CCDC186: variants seen among roughly 807,000 people sequenced by gnomAD.
The protein encoded by CCDC186 is coiled-coil domain containing 186.
CCDC186 carries 49 observed loss-of-function variants against 113.7 expected under a neutral mutation model. That is an observed-to-expected ratio of 0.43 (90% confidence interval 0.34 to 0.55). The LOEUF is 0.55. Among genes scored for constraint, CCDC186 ranks in the 20% least tolerant of loss-of-function variants. CCDC186 has a pLI of 0.02. For missense variants in CCDC186, 890 were observed against 1,011.1 expected (o/e 0.88, Z 1.62); for synonymous variants, 355 against 345.8 (o/e 1.03, Z -0.30).
rs2030789666 is a variant in CCDC186 at position 114,123,369 on chromosome 10, T to C, written c.*1774A>G. The C allele has an allele frequency of 6.6e-6, 1 of 152,214 alleles. No individual in the cohort carries two copies. The highest frequency in any genetic ancestry group is 1.5e-5 in the Non-Finnish European group (1 of 68,010). The allele number at this position is 152,214 out of a possible 1,614,324, so 9.4% of individuals were successfully genotyped here. A position where few individuals can be genotyped will look rare whatever the true frequency, so the allele number is the denominator to read the frequency against. ...TTTTGGGATAACATCTAATTCAATA[T>C]ATAGAAAAAAAGACATTCATTAAAT... On this transcript the variant is annotated 3_prime_UTR_variant, in exon 16 of 16. Transcript: ENST00000369287.
intron 2 of CCDC186, among the ~76,000 whole-genome samples, chr10:114,158,530 A>T (rs1435239457): frequency 6.6e-6 from 1 of 152,032 alleles, no homozygotes; most frequent in East Asian, 1.9e-4. Context: ...AGTCTATGAA[A>T]TTATTATCAT....
chr10:114,127,057 G>A (rs1008814180), intron 14 of CCDC186, among the ~76,000 whole-genome samples: 1 of 152,054 alleles, frequency 6.6e-6, no homozygotes, highest in Non-Finnish European at 1.5e-5. Context: ...CCAAGCCACA[G>A]GCACAGCGCC....
chr10:114,136,961 A>G (rs1279138080), intron 7 of CCDC186, among the ~76,000 whole-genome samples: 1 of 152,082 alleles, frequency 6.6e-6, no homozygotes, highest in Non-Finnish European at 1.5e-5. Flanking sequence ...TACTAAAAAT[A>G]CAAAATTTAG....
chr10:114,166,076 C>A (rs1038600129), intron 1 of CCDC186, among the ~76,000 whole-genome samples: 6 of 151,976 alleles, frequency 3.9e-5, no homozygotes, highest in African/African-American at 1.5e-4. Flanking sequence ...TAAAGGACTG[C>A]ACTGCAGAGG....
At chr10:114,165,901 T>C (rs1213278086) in intron 1 of CCDC186, 1 of 979,128 alleles carries the variant, frequency 1.0e-6, no homozygotes, top group East Asian at 1.1e-4. Context: ...AAATTATACC[T>C]CTTCATGCCA....
At chr10:114,146,792 TG>T (rs200345009) in intron 4 of CCDC186, among the ~76,000 whole-genome samples, 1,998 of 152,318 alleles carry the variant, frequency 0.013, 25 homozygotes, top group Middle Eastern at 0.024. Context: ...GCAACTGAAT[TG>T]AAGAAGGTAA....
intron 5 of CCDC186, among the ~76,000 whole-genome samples, chr10:114,145,337 TTA>T (rs1554927343): frequency 2.2e-5 from 1 of 45,560 alleles, no homozygotes; most frequent in Non-Finnish European, 4.2e-5. Flanking sequence ...GTGCCAACAC[TTA>T]TTTTTTCCCT....
At position 114,135,960 on chromosome 10, in the gene CCDC186, T is replaced by TAAAG; in HGVS notation, c.1442_1443insCTTT (p.Lys482PhefsTer12). ...TTCTCTTCAGATCTTCTAGTTCCTT[T>TAAAG]ATTTTGGCATGATGCATCTTTAAAA... is the stretch of plus-strand genomic sequence containing the variant. On this transcript the variant is annotated frameshift_variant, in exon 9 of 16. Coordinates refer to ENST00000369287, the MANE Select transcript of CCDC186 (RefSeq NM_018017.4). LOFTEE classifies it high-confidence loss of function. The TAAAG allele has an allele frequency of 6.2e-7, 1 of 1,613,028 alleles. No homozygotes were observed. The highest frequency in any genetic ancestry group is 8.5e-7 in the Non-Finnish European group (1 of 1,179,420).
At chr10:114,157,263 T>C (rs985330571) in intron 3 of CCDC186, among the ~76,000 whole-genome samples, 1 of 149,942 alleles carries the variant, frequency 6.7e-6, no homozygotes, top group East Asian at 2.0e-4. Flanking sequence ...AGCTCACTGC[T>C]GCCTCAATCT....
At chr10:114,149,890 G>T (rs149801519) in intron 4 of CCDC186, among the ~76,000 whole-genome samples, 1 of 147,676 alleles carries the variant, frequency 6.8e-6, no homozygotes, top group African/African-American at 2.5e-5. Context: ...GGCTCACCAG[G>T]TGATTCTAAT....
intron 6 of CCDC186, among the ~76,000 whole-genome samples, chr10:114,143,440 T>C (rs1053968414): frequency 7.9e-5 from 12 of 152,218 alleles, no homozygotes; most frequent in African/African-American, 2.7e-4. Flanking sequence ...CAATTCCTCA[T>C]TCTGTAACTC....
rs569310242 is a variant in CCDC186, at chr10:114,156,750, TA to T, written c.759+803del. Among the ~76,000 whole-genome samples the T allele has an allele frequency of 5.1e-4, 77 of 150,748 alleles. 1 individual carries two copies. The highest frequency in any genetic ancestry group is 3.4e-3 in the Middle Eastern group (1 of 294). ...CTCAAAGAAAAAACAAAAAATAAATTAAAAAAAAGAAGGAAAAGGACAGGCT... is the reference window on the plus strand; with the variant it reads ...CTCAAAGAAAAAACAAAAAATAAATTAAAAAAAGAAGGAAAAGGACAGGCT... On this transcript the variant is annotated intron_variant, in intron 3 of 15. Transcript: ENST00000369287.
intron 11 of CCDC186, 142 bp downstream of exon 11, chr10:114,131,787 A>G: frequency 1.7e-6 from 1 of 575,018 alleles, no homozygotes; most frequent in Non-Finnish European, 2.7e-6. Context: ...GGAAAAACTG[A>G]CATTTCTTAC....
At chr10:114,134,156 C>T (rs2031183061) in intron 10 of CCDC186, among the ~76,000 whole-genome samples, 2 of 152,126 alleles carry the variant, frequency 1.3e-5, no homozygotes, top group African/African-American at 2.4e-5. Context: ...GATGGCAAAA[C>T]GTTGAGACAA....
At chr10:114,127,857 G>A (rs1564904321) in intron 13 of CCDC186, among the ~76,000 whole-genome samples, 186 bp from the exon 14 acceptor site, 1 of 152,136 alleles carries the variant, frequency 6.6e-6, no homozygotes, top group African/African-American at 2.4e-5. Flanking sequence ...TACCAACAGG[G>A]TCTATACTGT....
At chr10:114,172,637 CTTCAGTAAT>C in intron 1 of CCDC186, among the ~76,000 whole-genome samples, 1 of 152,268 alleles carries the variant, frequency 6.6e-6, no homozygotes, top group South Asian at 2.1e-4. Flanking sequence ...CAGGGAGAAT[CTTCAGTAAT>C]CATACGTTTG....
At chr10:114,129,670 C>T (rs1326459329) in intron 13 of CCDC186, among the ~76,000 whole-genome samples, 1 of 152,080 alleles carries the variant, frequency 6.6e-6, no homozygotes, top group Non-Finnish European at 1.5e-5. Context: ...GCTGGGATTG[C>T]AGGCGTGAGC....
At position 114,162,711 on chromosome 10, in the gene CCDC186, C is replaced by T; in HGVS notation, c.558G>A (p.Lys186=). ...AEHRVPNGMN[K]GEHALVLFEK... Reference sequence around the variant, plus strand: ...CAAACAGAACTAATGCATGTTCTCCCTTATTCATTCCATTTGGTACTCGAT... The same window carrying T: ...CAAACAGAACTAATGCATGTTCTCCTTTATTCATTCCATTTGGTACTCGAT... The change falls in exon 2 of 16, where the codon AAG becomes AAA. Residue 186 remains lysine, a synonymous_variant. Coordinates refer to ENST00000369287, the MANE Select transcript of CCDC186 (RefSeq NM_018017.4). 1.2e-6 allele frequency: 2 copies of T among 1,613,634 alleles called. No individual in the cohort carries two copies. The highest frequency in any genetic ancestry group is 1.7e-5 in the Admixed American group (1 of 59,954).
chr10:114,137,562 C>T (rs1356414952), intron 6 of CCDC186, among the ~76,000 whole-genome samples: 1 of 152,206 alleles, frequency 6.6e-6, no homozygotes, highest in Non-Finnish European at 1.5e-5. Flanking sequence ...TCTTTGTACA[C>T]ACACATCAAA....
Sources: gnomAD v4.1 joint callset for allele counts (sites outside exome capture counted in the v4.1 genomes callset) on GRCh38, gnomAD v4.1.1 for gene constraint, MANE v1.5 for transcripts, NCBI Gene and HGNC (gene_info 2026-07-23, HGNC 2026-07-21) for gene names.